Variants in EPM2A observed in about 807,000 individuals in gnomAD.
The protein encoded by EPM2A is EPM2A glucan phosphatase, laforin.
In EPM2A, 21 loss-of-function variants were observed where a neutral mutation model predicts 26.5. That is an observed-to-expected ratio of 0.79 (90% CI 0.56 to 1.14). The LOEUF is 1.14. Ranked by LOEUF, EPM2A falls within the 50% of genes most tolerant of loss-of-function variation. The probability of loss-of-function intolerance (pLI) is 0.00; values close to 1 mark genes in which losing one functional copy is unlikely to be tolerated. For missense variants in EPM2A, 458 were observed against 440.8 expected (o/e 1.04, Z -0.35); for synonymous variants, 217 against 177.6 (o/e 1.22, Z -1.76).
chr6:145,548,769 A>G (rs1463048638), intron 2 of EPM2A, among the ~76,000 whole-genome samples: 1 of 152,044 alleles, frequency 6.6e-6, no homozygotes, highest in Non-Finnish European at 1.5e-5. Context: ...CTAAGAGCTA[A>G]ACTCGGCTCT....
chr6:145,614,905 T>C (rs1315810648), intron 2 of EPM2A, among the ~76,000 whole-genome samples: 1 of 152,216 alleles, frequency 6.6e-6, no homozygotes, highest in Non-Finnish European at 1.5e-5. Flanking sequence ...CTCCAGTGGA[T>C]TTTATTGATG....
chr6:145,531,379 A>C (rs1562371848), intron 2 of EPM2A, among the ~76,000 whole-genome samples: 2 of 152,150 alleles, frequency 1.3e-5, no homozygotes, highest in East Asian at 3.8e-4. Flanking sequence ...AAAACACAGA[A>C]AGGGGGATTA....
chr6:145,470,140 T>C (rs978464853), intron 4 of EPM2A, among the ~76,000 whole-genome samples: 2 of 152,086 alleles, frequency 1.3e-5, no homozygotes, highest in African/African-American at 4.8e-5. Flanking sequence ...TGGTCAACAA[T>C]AATTTATTGT....
At chr6:145,403,738 G>T (rs1437479220) in intron 4 of EPM2A, among the ~76,000 whole-genome samples, 1 of 152,046 alleles carries the variant, frequency 6.6e-6, no homozygotes. Flanking sequence ...AGTGCAGCTA[G>T]CTCTTTAATA....
chr6:145,559,672 CTTTTT>C (rs201917957), intron 2 of EPM2A, among the ~76,000 whole-genome samples: 3 of 138,726 alleles, frequency 2.2e-5, no homozygotes, highest in Non-Finnish European at 3.1e-5. Flanking sequence ...ATACTTTCTC[CTTTTT>C]TTTTTTTTTT....
At chr6:145,384,907 G>A (rs1778238206) in intron 4 of EPM2A, among the ~76,000 whole-genome samples, 1 of 147,494 alleles carries the variant, frequency 6.8e-6, no homozygotes, top group Non-Finnish European at 1.5e-5. Context: ...GAAGAGATAA[G>A]ACAACGACTA....
intron 4 of EPM2A, among the ~76,000 whole-genome samples, chr6:145,446,020 T>C (rs1484760725): frequency 6.6e-6 from 1 of 152,160 alleles, no homozygotes; most frequent in Non-Finnish European, 1.5e-5. Flanking sequence ...GAGAGAACAA[T>C]GGTAGAGAGG....
chr6:145,638,257 G>C (rs1377029968), intron 2 of EPM2A: 1 of 152,148 alleles, frequency 6.6e-6, no homozygotes, highest in African/African-American at 2.4e-5. Context: ...TTGCATAAAA[G>C]CTCAAGAATA....
chr6:145,615,262 C>G (rs1275743823), intron 2 of EPM2A, among the ~76,000 whole-genome samples: 3 of 152,150 alleles, frequency 2.0e-5, no homozygotes, highest in Non-Finnish European at 4.4e-5. Flanking sequence ...ATAAGTCTCA[C>G]AAGATCTGAT....
At chr6:145,452,346 C>T (rs1779205635) in intron 4 of EPM2A, among the ~76,000 whole-genome samples, 1 of 151,932 alleles carries the variant, frequency 6.6e-6, no homozygotes, top group Non-Finnish European at 1.5e-5. Context: ...CCATCTGCAG[C>T]TAATATGTCT....
At chr6:145,731,060 C>T (rs916580505) in intron 1 of EPM2A, among the ~76,000 whole-genome samples, 3 of 150,882 alleles carry the variant, frequency 2.0e-5, no homozygotes, top group South Asian at 2.1e-4. Context: ...CAGACCCACA[C>T]GACAGACCTA....
At chr6:145,675,857 A>G (rs1196442831) in intron 2 of EPM2A, among the ~76,000 whole-genome samples, 1 of 152,170 alleles carries the variant, frequency 6.6e-6, no homozygotes, top group Non-Finnish European at 1.5e-5. Flanking sequence ...CCCACTGTCA[A>G]TATTAGACAG....
intron 4 of EPM2A, among the ~76,000 whole-genome samples, chr6:145,415,795 T>C (rs1582737898): frequency 6.6e-6 from 1 of 152,224 alleles, no homozygotes; most frequent in African/African-American, 2.4e-5. Flanking sequence ...ACCAGCTTTG[T>C]TGCTGACACT....
At position 145,626,425 on chromosome 6, in the gene EPM2A, A is replaced by C. The variant is rs1775811763; in HGVS notation, c.*991T>G. On this transcript the variant is annotated 3_prime_UTR_variant, in exon 4 of 4. Transcript: ENST00000367519. The stretch of plus-strand genomic sequence containing the variant: ...TCTCATGAATTTCCACTCTGGTCTT[A>C]AAACAGCCCATCATGTTTTTAAATT... The C allele has an allele frequency of 1.0e-6, 1 of 985,818 alleles. No homozygotes were observed. Among genetic ancestry groups the C allele is most frequent in the Non-Finnish European group, 1.2e-6 (1 of 829,990 alleles). 61.1% of individuals were successfully genotyped at this position (985,818 alleles called of 1,614,324 possible).
chr6:145,428,038 A>G (rs1158750934), intron 4 of EPM2A, among the ~76,000 whole-genome samples: 1 of 145,490 alleles, frequency 6.9e-6, no homozygotes, highest in Non-Finnish European at 1.5e-5. Flanking sequence ...TTTTCTGTTT[A>G]CTGTGTTTTC....
intron 2 of EPM2A, among the ~76,000 whole-genome samples, chr6:145,573,626 C>T (rs9373463): frequency 0.43 from 65,283 of 152,038 alleles, 14,574 homozygotes; most frequent in African/African-American, 0.52. Context: ...ATATTGTTTT[C>T]GATTTACTAT....
intron 1 of EPM2A, among the ~76,000 whole-genome samples, chr6:145,697,769 G>C (rs1429769814): frequency 6.6e-6 from 1 of 152,152 alleles, no homozygotes; most frequent in Non-Finnish European, 1.5e-5. Flanking sequence ...CAGAGTTTAA[G>C]GTTATCTCTC....
chr6:145,431,147 T>TTTAATTCACATGTAA (rs1778917266), intron 4 of EPM2A, among the ~76,000 whole-genome samples: 1 of 152,180 alleles, frequency 6.6e-6, no homozygotes, highest in Non-Finnish European at 1.5e-5. Context: ...AGAAAATAAT[T>TTTAATTCACATGTAA]GAAATGTTTA....
intron 1 of EPM2A, among the ~76,000 whole-genome samples, chr6:145,714,823 T>C (rs1775528794): frequency 6.6e-6 from 1 of 152,200 alleles, no homozygotes; most frequent in Non-Finnish European, 1.5e-5. Flanking sequence ...AGACCTGCCC[T>C]CATGATTCAA....
Sources: gnomAD v4.1 joint callset for allele counts (sites outside exome capture counted in the v4.1 genomes callset) on GRCh38, gnomAD v4.1.1 for gene constraint, MANE v1.5 for transcripts, NCBI Gene and HGNC (gene_info 2026-07-23, HGNC 2026-07-21) for gene names.